The following ZNF718 variants were observed in gnomAD, a reference collection of about 807,000 sequenced individuals.
ZNF718 encodes the protein zinc finger protein 718.
ZNF718 carries 3 observed loss-of-function variants against 2.6 expected under a neutral mutation model. That is an observed-to-expected ratio of 1.16 (90% CI 0.53 to 3.01). ZNF718 has a LOEUF of 3.01. Ranked by LOEUF, ZNF718 falls within the 30% of genes most tolerant of loss-of-function variation. The pLI is 0.03. For synonymous variants in ZNF718, 135 were observed against 77.9 expected (o/e 1.73, Z -3.86); for missense variants, 468 against 230.0 (o/e 2.03, Z -6.69).
chr4:147,087 C>G (rs1185603117), intron 3 of ZNF718, among the ~76,000 whole-genome samples: 1 of 152,196 alleles, frequency 6.6e-6, no homozygotes, highest in African/African-American at 2.4e-5. Flanking sequence ...TCTTTTGCCT[C>G]AGCCTCCCAA....
At chr4:144,972 T>A (rs1344082763) in intron 3 of ZNF718, among the ~76,000 whole-genome samples, 2 of 152,180 alleles carry the variant, frequency 1.3e-5, no homozygotes, top group Non-Finnish European at 2.9e-5. Context: ...TCTCTTTTGT[T>A]TGATATAGCC....
intron 3 of ZNF718, among the ~76,000 whole-genome samples, chr4:153,443 CTG>C (rs1716424900): frequency 6.6e-6 from 1 of 151,994 alleles, no homozygotes. Flanking sequence ...TTTTCCATTT[CTG>C]TGAAAAAAGT....
At chr4:198,182 C>G (rs563519872) in intron 3 of ZNF718, among the ~76,000 whole-genome samples, 28 of 152,058 alleles carry the variant, frequency 1.8e-4, no homozygotes, top group Non-Finnish European at 3.7e-4. Flanking sequence ...GTGCTAAGAG[C>G]CAGCAGAAAA....
intron 3 of ZNF718, among the ~76,000 whole-genome samples, chr4:135,913 T>C (rs1715551553): frequency 6.6e-6 from 1 of 151,838 alleles, no homozygotes; most frequent in South Asian, 2.1e-4. Flanking sequence ...TCAGCTGTGG[T>C]CTCTGAAGCA....
rs184606370 is a variant in ZNF718, at chr4:177,569, A to C, written c.227-23512A>C. ...TCTCCTTTTTGGGCCTTGCTCACTA[A>C]ATCTACTAACCAGATTTGTTCCTTC... On this transcript the variant is annotated intron_variant and NMD_transcript_variant, in intron 3 of 4. Coordinates refer to the ZNF718 transcript ENST00000642529. Among the ~76,000 whole-genome samples the C allele has an allele frequency of 5.6e-3, 846 of 152,174 alleles. 8 individuals carry two copies. The highest frequency in any genetic ancestry group is 0.02 in the African/African-American group (813 of 41,514).
chr4:173,014 C>G (rs759377333), intron 3 of ZNF718, among the ~76,000 whole-genome samples: 1 of 151,910 alleles, frequency 6.6e-6, no homozygotes, highest in Non-Finnish European at 1.5e-5. Flanking sequence ...CACCGCACTG[C>G]AGCCTGAAGA....
chr4:192,985 T>C (rs782783925), intron 3 of ZNF718, among the ~76,000 whole-genome samples: 1 of 152,164 alleles, frequency 6.6e-6, no homozygotes, highest in Non-Finnish European at 1.5e-5. Flanking sequence ...AGTGAAAGGT[T>C]TGGTGAAGAA....
chr4:124,663 G>T lies in ZNF718; in HGVS notation c.-8G>T. The T allele has an allele frequency of 6.2e-7, 1 of 1,609,034 alleles. No homozygotes were observed. The highest frequency in any genetic ancestry group is 1.3e-5 in the African/African-American group (1 of 75,038). ...TCTAAGACTCTGGGACACTCCTGAAGTCGGGAAATGGTGAGTGTGCAGGGC... is the reference window on the plus strand; with the variant it reads ...TCTAAGACTCTGGGACACTCCTGAATTCGGGAAATGGTGAGTGTGCAGGGC... On this transcript the variant is annotated 5_prime_UTR_variant, in exon 1 of 4. Coordinates refer to ENST00000510175, the MANE Select transcript of ZNF718 (RefSeq NM_001039127.6).
downstream of ZNF718, among the ~76,000 whole-genome samples, chr4:164,931 G>T (rs1019614808): frequency 2.6e-5 from 4 of 152,158 alleles, no homozygotes; most frequent in Non-Finnish European, 4.4e-5. Flanking sequence ...GTAGGTCCAA[G>T]TAAGAGATTG....
At chr4:155,382 T>G (rs1716524970) in intron 3 of ZNF718, among the ~76,000 whole-genome samples, 1 of 152,030 alleles carries the variant, frequency 6.6e-6, no homozygotes, top group African/African-American at 2.4e-5. Flanking sequence ...CACCAGCCCA[T>G]GAAAGCAGCC....
chr4:197,881 A>G (rs1717823556), intron 3 of ZNF718, among the ~76,000 whole-genome samples: 1 of 152,174 alleles, frequency 6.6e-6, no homozygotes, highest in South Asian at 2.1e-4. Flanking sequence ...GGATGACTAG[A>G]TGAATGAATG....
At chr4:191,867 C>G (rs1265903449) in intron 3 of ZNF718, among the ~76,000 whole-genome samples, 6 of 152,202 alleles carry the variant, frequency 3.9e-5, no homozygotes, top group African/African-American at 1.2e-4. Flanking sequence ...TATTCTCTGA[C>G]CTGGGGTTCT....
intron 3 of ZNF718, among the ~76,000 whole-genome samples, chr4:153,262 A>G (rs1553812986): frequency 6.6e-6 from 1 of 152,036 alleles, no homozygotes; most frequent in Non-Finnish European, 1.5e-5. Context: ...GGCTCACTGG[A>G]TACTGTCATC....
downstream of ZNF718, among the ~76,000 whole-genome samples, chr4:166,228 A>C (rs1299776905): frequency 1.3e-5 from 2 of 152,040 alleles, no homozygotes; most frequent in African/African-American, 4.8e-5. Flanking sequence ...TATGTGCCAC[A>C]TTTTCTTAAT....
At chr4:132,136 CA>C (rs1282889814) in intron 3 of ZNF718, among the ~76,000 whole-genome samples, 20,750 of 46,156 alleles carry the variant, frequency 0.45, 6,774 homozygotes, top group East Asian at 0.83. Context: ...GATTCAGTCT[CA>C]AAAAAAAAAA....
intron 4 of ZNF718, chr4:201,239 A>G (rs1337348992): frequency 1.3e-5 from 2 of 152,444 alleles, no homozygotes; most frequent in African/African-American, 2.4e-5. Context: ...TGAAAAAGCT[A>G]TGGTCAAAAT....
chr4:135,044 C>G (rs2108781982), intron 3 of ZNF718, among the ~76,000 whole-genome samples: 1 of 152,174 alleles, frequency 6.6e-6, no homozygotes, highest in East Asian at 1.9e-4. Context: ...GAGATCAAGA[C>G]CATCCTGGCC....
intron 3 of ZNF718, among the ~76,000 whole-genome samples, chr4:136,715 TATTTC>T (rs782075122): frequency 6.6e-6 from 1 of 152,250 alleles, no homozygotes; most frequent in Non-Finnish European, 1.5e-5. Context: ...ATTAGTATCT[TATTTC>T]ACTTAAAATA....
intron 3 of ZNF718, among the ~76,000 whole-genome samples, chr4:182,203 A>G (rs1308768749): frequency 1.3e-5 from 2 of 152,104 alleles, no homozygotes; most frequent in African/African-American, 2.4e-5. Flanking sequence ...GCTGGGTCAA[A>G]TGGTATTTCT....
Sources: allele counts gnomAD v4.1 joint callset (sites outside exome capture counted in the v4.1 genomes callset), GRCh38; gene constraint gnomAD v4.1.1; transcripts MANE v1.5; gene names NCBI Gene and HGNC (gene_info 2026-07-23, HGNC 2026-07-21).